Variants in CNTN5 observed in about 807,000 individuals in gnomAD.
CNTN5 encodes the protein contactin-5.
In CNTN5, 77 loss-of-function variants were observed where a neutral mutation model predicts 129.1. The ratio of observed to expected loss-of-function variants is 0.60; its 90% confidence interval spans 0.50 to 0.72. The LOEUF is 0.72. Ranked by LOEUF, CNTN5 falls within the 30% of genes least tolerant of loss-of-function variation. The pLI is 0.00. For missense variants in CNTN5, 1,478 were observed against 1,328.8 expected (o/e 1.11, Z -1.75); for synonymous variants, 509 against 465.6 (o/e 1.09, Z -1.20).
In CNTN5 at chr11:100,175,422, CT is replaced by C. The variant is rs573672229; in HGVS notation, c.1581-15698del. Among the ~76,000 whole-genome samples, 6 of 152,160 alleles carry C rather than the reference CT, an allele frequency of 3.9e-5. No individual in the cohort carries two copies. In the South Asian group the frequency reaches 1.2e-3, roughly 32 times the overall value. On this transcript the variant is annotated intron_variant, in intron 13 of 24. Coordinates refer to ENST00000524871, the MANE Select transcript of CNTN5 (RefSeq NM_014361.4). The stretch of plus-strand genomic sequence containing the variant: ...TATCGAAGTAAATTATTACCATTGC[CT>C]TTTTTAACAAAAAAGGAATTTAAAG...
At chr11:99,550,322 C>T (rs1948440548) in intron 2 of CNTN5, among the ~76,000 whole-genome samples, 2 of 152,156 alleles carry the variant, frequency 1.3e-5, no homozygotes, top group Admixed American at 1.3e-4. Context: ...TAAGGAGACA[C>T]ATTCTTCTTT....
intron 16 of CNTN5, among the ~76,000 whole-genome samples, chr11:100,247,810 G>A (rs1223062557): frequency 1.3e-5 from 2 of 151,324 alleles, no homozygotes; most frequent in Admixed American, 6.6e-5. Flanking sequence ...ATTTTTTCAT[G>A]ACTATTTCTA....
At chr11:99,617,614 C>G (rs1034010091) in intron 3 of CNTN5, among the ~76,000 whole-genome samples, 1 of 152,052 alleles carries the variant, frequency 6.6e-6, no homozygotes, top group African/African-American at 2.4e-5. Context: ...AACTTGAGAT[C>G]CCTATAGTTC....
chr11:99,415,082 C>T (rs143135324), intron 2 of CNTN5, among the ~76,000 whole-genome samples: 116 of 152,100 alleles, frequency 7.6e-4, no homozygotes, highest in African/African-American at 2.6e-3. Context: ...GAATTATAGG[C>T]GTGAAAATGT....
chr11:100,021,282 A>C (rs1941128874), intron 9 of CNTN5, among the ~76,000 whole-genome samples: 1 of 152,202 alleles, frequency 6.6e-6, no homozygotes, highest in South Asian at 2.1e-4. Context: ...GGGAATTTAC[A>C]TACTGCTGTT....
chr11:100,114,191 A>G (rs982920390), intron 13 of CNTN5, among the ~76,000 whole-genome samples: 18 of 152,220 alleles, frequency 1.2e-4, no homozygotes, highest in African/African-American at 4.3e-4. Context: ...AGACAGTGTT[A>G]TCTTTGTGAG....
intron 1 of CNTN5, among the ~76,000 whole-genome samples, chr11:99,319,887 AC>A (rs1204625348): frequency 6.6e-6 from 1 of 152,140 alleles, no homozygotes; most frequent in African/African-American, 2.4e-5. Context: ...GAAGAAACAG[AC>A]CTGAGATATA....
At chr11:99,338,853 C>CT (rs1184342987) in intron 2 of CNTN5, among the ~76,000 whole-genome samples, 5 of 145,920 alleles carry the variant, frequency 3.4e-5, no homozygotes, top group African/African-American at 7.6e-5. Flanking sequence ...ATTATAACAT[C>CT]TTTTTTCTAA....
At chr11:99,169,370 A>ATGTGTG (rs72294394) in intron 1 of CNTN5, among the ~76,000 whole-genome samples, 5,719 of 128,520 alleles carry the variant, frequency 0.044, 122 homozygotes, top group South Asian at 0.076. Context: ...GCAATAAGCT[A>ATGTGTG]TATGTGTGTG....
chr11:99,648,300 A>T (rs1326456049), intron 3 of CNTN5, among the ~76,000 whole-genome samples: 1 of 152,034 alleles, frequency 6.6e-6, no homozygotes, highest in East Asian at 1.9e-4. Context: ...GGTTTTGGCC[A>T]ATAAATTTGT....
intron 2 of CNTN5, among the ~76,000 whole-genome samples, chr11:99,491,233 G>A (rs1359525767): frequency 1.3e-5 from 2 of 152,120 alleles, no homozygotes; most frequent in African/African-American, 2.4e-5. Context: ...GGTTCAGCAG[G>A]CCAGGCAGGG....
intron 9 of CNTN5, among the ~76,000 whole-genome samples, chr11:100,010,322 G>A (rs980970337): frequency 2.6e-5 from 4 of 151,946 alleles, no homozygotes; most frequent in Non-Finnish European, 5.9e-5. Context: ...TAGAGGTAAG[G>A]GGGGAAAAAA....
chr11:100,310,855 G>A (rs1951456895), intron 21 of CNTN5, among the ~76,000 whole-genome samples: 1 of 151,922 alleles, frequency 6.6e-6, no homozygotes, highest in Non-Finnish European at 1.5e-5. Context: ...TCAAAGAATA[G>A]GAAGTGAATG....
chr11:99,115,325 C>G (rs1349534498), intron 1 of CNTN5, among the ~76,000 whole-genome samples: 1 of 152,066 alleles, frequency 6.6e-6, no homozygotes, highest in Non-Finnish European at 1.5e-5. Context: ...TCTTGTACAT[C>G]TTTTAGAAGG....
At chr11:99,478,732 A>G (rs1045314175) in intron 2 of CNTN5, among the ~76,000 whole-genome samples, 13 of 152,300 alleles carry the variant, frequency 8.5e-5, no homozygotes, top group African/African-American at 2.6e-4. Context: ...ATTCAAAATC[A>G]TTACTAACTT....
chr11:99,657,630 G>C (rs1305879832), intron 3 of CNTN5, among the ~76,000 whole-genome samples: 1 of 152,042 alleles, frequency 6.6e-6, no homozygotes, highest in Non-Finnish European at 1.5e-5. Context: ...AAAAACCTGA[G>C]TCTTTTAAAA....
intron 3 of CNTN5, among the ~76,000 whole-genome samples, chr11:99,748,552 TAAATG>T (rs1944133001): frequency 6.6e-6 from 1 of 152,112 alleles, no homozygotes; most frequent in Admixed American, 6.6e-5. Flanking sequence ...AATGTATAAT[TAAATG>T]AGAGTCCAAA....
At chr11:99,166,070 T>C (rs182131209) in intron 1 of CNTN5, among the ~76,000 whole-genome samples, 2 of 152,300 alleles carry the variant, frequency 1.3e-5, no homozygotes, top group East Asian at 1.9e-4. Flanking sequence ...AATGACCGCC[T>C]GAACTATATT....
chr11:99,428,873 G>A (rs1244486149), intron 2 of CNTN5, among the ~76,000 whole-genome samples: 1 of 151,938 alleles, frequency 6.6e-6, no homozygotes, highest in Non-Finnish European at 1.5e-5. Context: ...AGAACTTTAA[G>A]GTTCAATAAA....
Sources: gnomAD v4.1 joint callset for allele counts (sites outside exome capture counted in the v4.1 genomes callset) on GRCh38, gnomAD v4.1.1 for gene constraint, MANE v1.5 for transcripts, NCBI Gene and HGNC (gene_info 2026-07-23, HGNC 2026-07-21) for gene names.